CTNNA2: variants seen among roughly 807,000 people sequenced by gnomAD.
CTNNA2 encodes the protein catenin alpha 2, also known as catenin alpha-2.
Under a neutral mutation model 101.0 loss-of-function variants are expected in CTNNA2, and 42 were observed. The ratio of observed to expected loss-of-function variants is 0.42; its 90% CI spans 0.32 to 0.54. The LOEUF is 0.54. CTNNA2 is among the 20% of genes least tolerant of loss of function. The probability of loss-of-function intolerance (pLI) is 0.14; values close to 1 mark genes in which losing one functional copy is unlikely to be tolerated. For synonymous variants in CTNNA2, 450 were observed against 456.4 expected (o/e 0.99, Z 0.18); for missense variants, 871 against 1,223.1 (o/e 0.71, Z 4.29).
chr2:79,487,839 T>C (rs1671172150), intron 4 of CTNNA2, among the ~76,000 whole-genome samples: 1 of 152,186 alleles, frequency 6.6e-6, no homozygotes, highest in Non-Finnish European at 1.5e-5. Context: ...TGGGATTCAT[T>C]TATTACATAT....
chr2:79,743,910 T>C (rs1043385059), intron 2 of CTNNA2, among the ~76,000 whole-genome samples: 1 of 152,154 alleles, frequency 6.6e-6, no homozygotes, highest in Non-Finnish European at 1.5e-5. Context: ...AAATAACACA[T>C]AAGTACCGGG....
intron 4 of CTNNA2, among the ~76,000 whole-genome samples, chr2:79,437,457 A>C (rs1000572790): frequency 1.3e-5 from 2 of 151,968 alleles, no homozygotes; most frequent in Non-Finnish European, 2.9e-5. Context: ...TTTGAGTAGC[A>C]AGGATCAGGA....
At chr2:79,793,667 A>G (rs1675459839) in intron 3 of CTNNA2, among the ~76,000 whole-genome samples, 1 of 152,150 alleles carries the variant, frequency 6.6e-6, no homozygotes, top group Admixed American at 6.5e-5. Context: ...AAAAGATCGA[A>G]GACCCATATG....
intron 3 of CTNNA2, among the ~76,000 whole-genome samples, chr2:79,854,124 T>G (rs1574138308): frequency 1.4e-5 from 1 of 73,748 alleles, no homozygotes; most frequent in Non-Finnish European, 3.2e-5. Flanking sequence ...CAGAGCACCA[T>G]TTTTTTTTTA....
chr2:79,670,562 A>C (rs1682767965), intron 2 of CTNNA2, among the ~76,000 whole-genome samples: 1 of 152,148 alleles, frequency 6.6e-6, no homozygotes, highest in African/African-American at 2.4e-5. Flanking sequence ...TAAATGAAGA[A>C]ATAAATATAA....
chr2:80,520,881 A>G (rs1447974490), intron 9 of CTNNA2, among the ~76,000 whole-genome samples: 1 of 152,054 alleles, frequency 6.6e-6, no homozygotes, highest in East Asian at 1.9e-4. Context: ...AAAGAGTGGT[A>G]TTTTCTGTGA....
chr2:79,217,190 G>C (rs1203864864), intron 2 of CTNNA2, among the ~76,000 whole-genome samples: 1 of 152,198 alleles, frequency 6.6e-6, no homozygotes, highest in Non-Finnish European at 1.5e-5. Flanking sequence ...ATGTTCCTTG[G>C]GCTGGTGGGT....
chr2:80,268,245 A>G (rs550707390), intron 7 of CTNNA2, among the ~76,000 whole-genome samples: 35 of 152,324 alleles, frequency 2.3e-4, no homozygotes, highest in Admixed American at 8.5e-4. Flanking sequence ...GAGAATAGAA[A>G]GGGGGTGGGT....
intron 7 of CTNNA2, among the ~76,000 whole-genome samples, chr2:80,307,059 T>A (rs913204684): frequency 5.4e-5 from 8 of 148,302 alleles, no homozygotes; most frequent in Non-Finnish European, 7.4e-5. Context: ...ATATATATAT[T>A]ATATATAAAT....
chr2:80,282,641 T>C (rs537964397), intron 7 of CTNNA2, among the ~76,000 whole-genome samples: 50 of 152,254 alleles, frequency 3.3e-4, no homozygotes, highest in African/African-American at 1.2e-3. Context: ...ATAGTAAATA[T>C]GTATGTGTTT....
intron 7 of CTNNA2, among the ~76,000 whole-genome samples, chr2:79,926,334 T>C (rs897469968): frequency 6.6e-6 from 1 of 152,160 alleles, no homozygotes; most frequent in Non-Finnish European, 1.5e-5. Flanking sequence ...AGTGTCAGGA[T>C]TTTTAGTTTT....
Position 80,327,494 on chromosome 2 carries a change from A to C in CTNNA2, c.1057-65717A>C, listed in dbSNP as rs532091415. 4.6e-5 allele frequency among the ~76,000 whole-genome samples: 7 copies of C among 152,150 alleles called. 1 individual carries two copies. Among genetic ancestry groups the C allele is most frequent in the Admixed American group, 4.6e-4 (7 of 15,284 alleles). On this transcript the variant is annotated intron_variant, in intron 7 of 18. Coordinates refer to ENST00000402739, the MANE Select transcript of CTNNA2 (RefSeq NM_001282597.3). Reference sequence around the variant, plus strand: ...CTAGACAGAGGCTAAAGTGTGGAGCAAGGAAACAGTAACAGTAACATACCT... The same window carrying C: ...CTAGACAGAGGCTAAAGTGTGGAGCCAGGAAACAGTAACAGTAACATACCT...
At chr2:79,278,688 G>T (rs542415266) in intron 2 of CTNNA2, among the ~76,000 whole-genome samples, 1 of 152,092 alleles carries the variant, frequency 6.6e-6, no homozygotes, top group South Asian at 2.1e-4. Context: ...CTAATGGAGA[G>T]GACTCTCTCT....
At chr2:79,222,704 T>TCTTC (rs1316540425) in intron 2 of CTNNA2, among the ~76,000 whole-genome samples, 2 of 151,700 alleles carry the variant, frequency 1.3e-5, no homozygotes, top group African/African-American at 4.9e-5. Context: ...TCTCTCTCTG[T>TCTTC]TCTTATTATG....
chr2:80,589,609 A>G, intron 15 of CTNNA2, 124 bp downstream of exon 15: 1 of 856,146 alleles, frequency 1.2e-6, no homozygotes, highest in South Asian at 2.0e-5. Context: ...TGGTATTATA[A>G]ATTTACATGT....
At chr2:80,417,747 A>G (rs1362262286) in intron 8 of CTNNA2, among the ~76,000 whole-genome samples, 1 of 152,072 alleles carries the variant, frequency 6.6e-6, no homozygotes, top group African/African-American at 2.4e-5. Flanking sequence ...TTTTATAAGC[A>G]TATCTTTCTG....
chr2:79,209,315 G>A (rs1674140151), intron 2 of CTNNA2, among the ~76,000 whole-genome samples: 1 of 152,120 alleles, frequency 6.6e-6, no homozygotes, highest in Non-Finnish European at 1.5e-5. Flanking sequence ...GCTATTTTAT[G>A]ACTGGATAGA....
intron 18 of CTNNA2, among the ~76,000 whole-genome samples, chr2:80,632,277 AACACAC>A (rs141371762): frequency 6.8e-6 from 1 of 147,692 alleles, no homozygotes; most frequent in Non-Finnish European, 1.5e-5. Context: ...CCCCCACCCC[AACACAC>A]ACACACACAC....
At chr2:79,525,790 T>C (rs1362040974) in intron 1 of CTNNA2, among the ~76,000 whole-genome samples, 6 of 152,012 alleles carry the variant, frequency 3.9e-5, no homozygotes, top group Non-Finnish European at 7.4e-5. Context: ...CTGAATCTAG[T>C]TTAAAAATTT....
Sources: gnomAD v4.1 joint callset for allele counts (sites outside exome capture counted in the v4.1 genomes callset) on GRCh38, gnomAD v4.1.1 for gene constraint, MANE v1.5 for transcripts, NCBI Gene and HGNC (gene_info 2026-07-23, HGNC 2026-07-21) for gene names.